The following NAT2 variants were observed in gnomAD, a reference collection of about 807,000 sequenced individuals.
NAT2 encodes arylamine N-acetyltransferase 2.
For missense variants in NAT2, 428 were observed against 339.1 expected, an observed-to-expected ratio of 1.26 and a Z score of -2.06; for synonymous variants, 137 against 125.9, an observed-to-expected ratio of 1.09 and a Z score of -0.59.
chr8:18,395,344 A>G (rs1040515618), intron 1 of NAT2, among the ~76,000 whole-genome samples: 1 of 152,160 alleles, frequency 6.6e-6, no homozygotes, highest in South Asian at 2.1e-4. Flanking sequence ...CTTAACAAGG[A>G]AATTTGGTTA....
intron 1 of NAT2, among the ~76,000 whole-genome samples, chr8:18,397,870 T>A (rs1800720641): frequency 6.6e-6 from 1 of 152,212 alleles, no homozygotes; most frequent in Admixed American, 6.5e-5. Flanking sequence ...CTGGCAAATT[T>A]TTTTTTTCTT....
chr8:18,396,788 G>T (rs1438058385), intron 1 of NAT2, among the ~76,000 whole-genome samples: 1 of 152,118 alleles, frequency 6.6e-6, no homozygotes, highest in Non-Finnish European at 1.5e-5. Context: ...TTAACATTAA[G>T]GTTTATACTT....
At chr8:18,387,815 T>C (rs538219049), upstream of NAT2, 1 of 152,766 alleles carries the variant, frequency 6.5e-6, no homozygotes, top group African/African-American at 2.4e-5. Context: ...AGAACCATTG[T>C]ACAGGCCTTT....
upstream of NAT2, chr8:18,387,448 T>TTTCCGATGCGCGAGGCTCCCC (rs1800522464): frequency 6.5e-6 from 1 of 153,882 alleles, no homozygotes. Context: ...ACTTCCTCCC[T>TTTCCGATGCGCGAGGCTCCCC]TTCCGCTGCG....
In NAT2 at chr8:18,400,384, C is replaced by T. The variant is rs140983217; in HGVS notation, c.381C>T (p.Ser127=). The change falls in exon 2 of 2, where the codon AGC becomes AGT. Residue 127 remains serine (S), a synonymous_variant. Transcript: ENST00000286479. ...RNYIVDAGSG[S]SSQMWQPLEL... ...ACATTGTCGATGCTGGGTCTGGAAG[C>T]TCCTCCCAGATGTGGCAGCCTCTAG... 1.3e-5 allele frequency: 21 copies of T among 1,611,802 alleles called. No homozygotes were observed. The highest frequency in any genetic ancestry group is 1.8e-5 in the Non-Finnish European group (21 of 1,179,132).
At chr8:18,389,268 G>T (rs1266651761), upstream of NAT2, among the ~76,000 whole-genome samples, 1 of 152,098 alleles carries the variant, frequency 6.6e-6, no homozygotes. Flanking sequence ...AGTCAAAAAT[G>T]GTCCAGATCA....
In NAT2 at chr8:18,400,022, T is replaced by C; in HGVS notation, c.19T>C (p.Phe7Leu). The change falls in exon 2 of 2, where the codon TTT becomes CTT. Residue 7 changes from phenylalanine (F) to leucine (L), a missense_variant. By Grantham distance (22) the Phe-to-Leu change is conservative. Coordinates refer to ENST00000286479, the MANE Select transcript of NAT2 (RefSeq NM_000015.3). Reference sequence around the variant, plus strand: ...GGGGATCATGGACATTGAAGCATATTTTGAAAGAATTGGCTATAAGAACTC... The same window carrying C: ...GGGGATCATGGACATTGAAGCATATCTTGAAAGAATTGGCTATAAGAACTC... MDIEAY[F>L]ERIGYKNSRN... 6.3e-7 allele frequency: 1 copy of C among 1,590,038 alleles called. No individual in the cohort carries two copies. The highest frequency in any genetic ancestry group is 8.6e-7 in the Non-Finnish European group (1 of 1,166,020).
intron 1 of NAT2, among the ~76,000 whole-genome samples, chr8:18,394,588 C>G (rs1800651087): frequency 6.6e-6 from 1 of 152,074 alleles, no homozygotes; most frequent in Non-Finnish European, 1.5e-5. Context: ...TGAATTCTCT[C>G]TCAAGGTCCC....
chr8:18,393,844 A>G (rs1307379346), intron 1 of NAT2, among the ~76,000 whole-genome samples: 2 of 152,232 alleles, frequency 1.3e-5, no homozygotes, highest in African/African-American at 4.8e-5. Context: ...AAAAACTGAA[A>G]AAACAATGGG....
intron 1 of NAT2, among the ~76,000 whole-genome samples, chr8:18,391,677 G>A (rs868589950): frequency 1.4e-4 from 21 of 152,222 alleles, no homozygotes; most frequent in South Asian, 4.1e-4. Flanking sequence ...AGACCCTGAA[G>A]GAAATCAATA....
rs574856610 is a variant in NAT2 at position 18,400,914 on chromosome 8, C to G, written c.*38C>G. The G allele has an allele frequency of 6.4e-5, 94 of 1,462,436 alleles. No homozygotes were observed. In the South Asian group the frequency reaches 1.2e-3, roughly 19 times the overall value. The allele number at this position is 1,462,436 out of a possible 1,614,324, so 90.6% of individuals were successfully genotyped here. On this transcript the variant is annotated 3_prime_UTR_variant, in exon 2 of 2. Coordinates refer to ENST00000286479, the MANE Select transcript of NAT2 (RefSeq NM_000015.3). ...AATAAACCCTTGTGTATGTATCACC[C>G]AACTCACTAATTATCAACTTATGTG...
At chr8:18,396,451 A>T (rs1320303913) in intron 1 of NAT2, among the ~76,000 whole-genome samples, 5 of 152,088 alleles carry the variant, frequency 3.3e-5, no homozygotes, top group African/African-American at 1.2e-4. Flanking sequence ...TTGAGACCGA[A>T]TCTCACTCTG....
At chr8:18,398,265 G>C (rs898182518) in intron 1 of NAT2, among the ~76,000 whole-genome samples, 2 of 152,154 alleles carry the variant, frequency 1.3e-5, no homozygotes, top group Non-Finnish European at 2.9e-5. Flanking sequence ...GATTCCTCTT[G>C]ACCTCTCTGA....
intron 1 of NAT2, among the ~76,000 whole-genome samples, chr8:18,392,920 G>A (rs1563247799): frequency 6.6e-6 from 1 of 152,072 alleles, no homozygotes; most frequent in Non-Finnish European, 1.5e-5. Flanking sequence ...AGCAAAAGAT[G>A]GTAAATGTTT....
chr8:18,395,149 T>A (rs1352928189), intron 1 of NAT2, among the ~76,000 whole-genome samples: 1 of 152,158 alleles, frequency 6.6e-6, no homozygotes, highest in East Asian at 1.9e-4. Context: ...ATATTAGTTC[T>A]CCATGAGAGT....
intron 1 of NAT2, among the ~76,000 whole-genome samples, chr8:18,393,869 A>G (rs1800635690): frequency 6.6e-6 from 1 of 152,228 alleles, no homozygotes; most frequent in African/African-American, 2.4e-5. Context: ...GCTAGAAGAT[A>G]CTAACAGATA....
upstream of NAT2, among the ~76,000 whole-genome samples, chr8:18,386,887 C>G (rs188685697): frequency 6.6e-6 from 1 of 152,228 alleles, no homozygotes. Context: ...TTCTGCGTGC[C>G]TGATCTGAGG....
intron 1 of NAT2, among the ~76,000 whole-genome samples, chr8:18,395,379 CATA>C (rs1359685775): frequency 6.6e-6 from 1 of 151,822 alleles, no homozygotes; most frequent in Non-Finnish European, 1.5e-5. Context: ...AACAATTTAA[CATA>C]ATAATTATAA....
At position 18,400,618 on chromosome 8, in the gene NAT2, G is replaced by C. The variant is rs531322433; in HGVS notation, c.615G>C (p.Met205Ile). 4.3e-6 allele frequency: 7 copies of C among 1,613,916 alleles called. No individual in the cohort carries two copies. Among genetic ancestry groups the C allele is most frequent in the Non-Finnish European group, 5.9e-6 (7 of 1,179,968 alleles). ...EPRTIEDFES[M>I]NTYLQTSPTS... The stretch of plus-strand genomic sequence containing the variant: ...GAACAATTGAAGATTTTGAGTCTAT[G>C]AATACATACCTGCAGACGTCTCCAA... The change falls in exon 2 of 2, where the codon ATG becomes ATC. Residue 205 changes from methionine to isoleucine, a missense_variant. Coordinates refer to ENST00000286479, the MANE Select transcript of NAT2 (RefSeq NM_000015.3).
Sources: allele counts gnomAD v4.1 joint callset (sites outside exome capture counted in the v4.1 genomes callset), GRCh38; gene constraint gnomAD v4.1.1; transcripts MANE v1.5; gene names NCBI Gene and HGNC (gene_info 2026-07-23, HGNC 2026-07-21).